The following SGCZ variants were observed in gnomAD, a reference collection of about 807,000 sequenced individuals.
SGCZ encodes the protein sarcoglycan zeta, also known as zeta-sarcoglycan.
In SGCZ, 40 loss-of-function variants were observed where a neutral mutation model predicts 41.3. The ratio of observed to expected loss-of-function variants is 0.97; its 90% confidence interval spans 0.75 to 1.26. SGCZ has a LOEUF of 1.26. Ranked by LOEUF, SGCZ falls within the 50% of genes most tolerant of loss-of-function variation. The pLI, the probability that SGCZ is intolerant of heterozygous loss-of-function variation, is 0.00. For missense variants in SGCZ, 552 were observed against 369.8 expected (o/e 1.49, Z -4.04); for synonymous variants, 206 against 137.5 (o/e 1.50, Z -3.49).
At chr8:14,379,943 G>A (rs760320646) in intron 2 of SGCZ, among the ~76,000 whole-genome samples, 1 of 152,036 alleles carries the variant, frequency 6.6e-6, no homozygotes, top group Non-Finnish European at 1.5e-5. Context: ...TGTTGGCCGG[G>A]CCTGGTCTTG....
intron 1 of SGCZ, among the ~76,000 whole-genome samples, chr8:14,683,019 A>G (rs953977736): frequency 3.3e-5 from 5 of 152,220 alleles, no homozygotes; most frequent in African/African-American, 9.6e-5. Flanking sequence ...TTAATTTAAT[A>G]GAACCAGGTG....
chr8:14,708,166 T>G (rs1809391172), intron 1 of SGCZ, among the ~76,000 whole-genome samples: 1 of 151,916 alleles, frequency 6.6e-6, no homozygotes, highest in African/African-American at 2.4e-5. Context: ...AGACTTTCAA[T>G]TTTCATTCGA....
chr8:15,121,005 G>A (rs754041003), intron 1 of SGCZ, among the ~76,000 whole-genome samples: 10 of 152,142 alleles, frequency 6.6e-5, no homozygotes, highest in Non-Finnish European at 1.2e-4. Flanking sequence ...TCATTTATCT[G>A]AACACATTGG....
intron 5 of SGCZ, among the ~76,000 whole-genome samples, chr8:14,119,184 T>G (rs1424226606): frequency 6.6e-6 from 1 of 152,116 alleles, no homozygotes; most frequent in Non-Finnish European, 1.5e-5. Flanking sequence ...CTGATTCTTC[T>G]TATCCATGAG....
chr8:14,201,606 T>C (rs1470611492), intron 4 of SGCZ, among the ~76,000 whole-genome samples: 14 of 152,182 alleles, frequency 9.2e-5, no homozygotes, highest in Admixed American at 9.2e-4. Flanking sequence ...ACCGTAGATC[T>C]AGAAATTGAT....
chr8:14,688,223 C>A (rs1246641867), intron 1 of SGCZ, among the ~76,000 whole-genome samples: 3 of 152,162 alleles, frequency 2.0e-5, no homozygotes, highest in African/African-American at 7.2e-5. Context: ...TCAACTTTGG[C>A]TTTTGTTGCC....
chr8:15,210,455 C>G (rs1752642845), intron 1 of SGCZ, among the ~76,000 whole-genome samples: 1 of 150,304 alleles, frequency 6.7e-6, no homozygotes, highest in African/African-American at 2.4e-5. Context: ...AACCCTACTC[C>G]ATAACAACTT....
chr8:14,695,879 G>C (rs1453016470), intron 1 of SGCZ, among the ~76,000 whole-genome samples: 3 of 151,942 alleles, frequency 2.0e-5, no homozygotes, highest in Non-Finnish European at 4.4e-5. Flanking sequence ...AAAGAACATA[G>C]TTAATGAGCT....
chr8:14,226,032 G>A (rs972450201), intron 4 of SGCZ, among the ~76,000 whole-genome samples: 11 of 151,970 alleles, frequency 7.2e-5, no homozygotes, highest in African/African-American at 2.7e-4. Flanking sequence ...TGGTATAAGT[G>A]ATATTCTAAT....
chr8:14,827,236 C>CTTT (rs36071307), intron 1 of SGCZ, among the ~76,000 whole-genome samples: 6 of 122,320 alleles, frequency 4.9e-5, no homozygotes, highest in Non-Finnish European at 1.0e-4. Context: ...CTTTTCTTTT[C>CTTT]TTTTTTTTTT....
chr8:15,215,953 G>C (rs1361204856), intron 1 of SGCZ, among the ~76,000 whole-genome samples: 8 of 152,108 alleles, frequency 5.3e-5, no homozygotes. Flanking sequence ...TTGAATATTG[G>C]AAGTACATCC....
At chr8:14,644,200 G>T (rs1807124684) in intron 1 of SGCZ, among the ~76,000 whole-genome samples, 2 of 151,642 alleles carry the variant, frequency 1.3e-5, no homozygotes, top group Admixed American at 6.6e-5. Context: ...TGCTATAAAG[G>T]TATTTTTTTA....
chr8:15,153,799 A>G lies in SGCZ; in HGVS notation c.39+83786T>C, dbSNP rs144502298. Reference sequence around the variant, plus strand: ...TGCTTCCTGTATAGCCTGCAGGCCCATGAGTCAATTAAACCTGTGTTTAAT... The same window carrying G: ...TGCTTCCTGTATAGCCTGCAGGCCCGTGAGTCAATTAAACCTGTGTTTAAT... On this transcript the variant is annotated intron_variant, in intron 1 of 7. Transcript: ENST00000382080. 1.1e-4 allele frequency among the ~76,000 whole-genome samples: 17 copies of G among 152,240 alleles called. No individual in the cohort carries two copies. In the East Asian group the frequency reaches 3.1e-3, roughly 28 times the overall value.
rs199913616 is a variant in SGCZ at position 14,796,937 on chromosome 8, G to A, written c.40-242011C>T. ...TCTCTTTCCTGCCACCCGATGAAGA[G>A]GTGACTTCTGCCATGATTGTAAGTT... On this transcript the variant is annotated intron_variant, in intron 1 of 7. Transcript: ENST00000382080. Among the ~76,000 whole-genome samples, 3 of 152,272 alleles carry A rather than the reference G, an allele frequency of 2.0e-5. No individual in the cohort carries two copies. In the East Asian group the frequency reaches 5.8e-4, roughly 29 times the overall value.
intron 7 of SGCZ, among the ~76,000 whole-genome samples, chr8:14,094,130 A>C (rs893451332): frequency 2.0e-5 from 3 of 151,502 alleles, no homozygotes; most frequent in African/African-American, 7.3e-5. Flanking sequence ...AGATAGAAAA[A>C]CCCTTTTTTT....
At chr8:14,964,234 G>A (rs1369391503) in intron 1 of SGCZ, among the ~76,000 whole-genome samples, 1 of 152,062 alleles carries the variant, frequency 6.6e-6, no homozygotes, top group South Asian at 2.1e-4. Context: ...CAAGATTGCA[G>A]CACAAAATAC....
At chr8:15,177,919 C>G (rs1323803151) in intron 1 of SGCZ, among the ~76,000 whole-genome samples, 1 of 152,172 alleles carries the variant, frequency 6.6e-6, no homozygotes, top group Non-Finnish European at 1.5e-5. Context: ...ATACCCAGAA[C>G]AGCCATTGCC....
intron 4 of SGCZ, among the ~76,000 whole-genome samples, chr8:14,186,075 G>A (rs192839320): frequency 1.4e-4 from 22 of 152,248 alleles, no homozygotes; most frequent in African/African-American, 4.8e-4. Context: ...CCTCTTCTCA[G>A]GGAATGGGGC....
chr8:14,195,376 T>C (rs1267334556), intron 4 of SGCZ, among the ~76,000 whole-genome samples: 2 of 151,766 alleles, frequency 1.3e-5, no homozygotes, highest in African/African-American at 2.4e-5. Context: ...AAAGAAAAAA[T>C]TAGAATAAAA....
Sources: allele counts gnomAD v4.1 joint callset (sites outside exome capture counted in the v4.1 genomes callset), GRCh38; gene constraint gnomAD v4.1.1; transcripts MANE v1.5; gene names NCBI Gene and HGNC (gene_info 2026-07-23, HGNC 2026-07-21).